ZBTB7C: variants seen among roughly 807,000 people sequenced by gnomAD.
ZBTB7C encodes the protein zinc finger and BTB domain containing 7C.
A neutral mutation model predicts 25.7 loss-of-function variants in ZBTB7C; 8 were observed. The ratio of observed to expected loss-of-function variants is 0.31; its 90% CI spans 0.18 to 0.56. ZBTB7C has a LOEUF of 0.56. Among genes scored for constraint, ZBTB7C ranks in the 20% least tolerant of loss-of-function variants. The probability of loss-of-function intolerance (pLI) is 0.91; values close to 1 mark genes in which losing one functional copy is unlikely to be tolerated. For missense variants in ZBTB7C, 824 were observed against 855.2 expected, an observed-to-expected ratio of 0.96 and a Z score of 0.46; for synonymous variants, 394 against 369.0, an observed-to-expected ratio of 1.07 and a Z score of -0.78.
At position 48,342,407 on chromosome 18, in the gene ZBTB7C, A is replaced by G. The variant is rs553988918; in HGVS notation, c.-303-4009T>C. Among the ~76,000 whole-genome samples the G allele has an allele frequency of 2.8e-4, 42 of 152,304 alleles. No homozygotes were observed. The South Asian group carries it at 8.7e-3, about 32-fold the overall frequency. The stretch of plus-strand genomic sequence containing the variant: ...ACAGGAGACCCAGCCAGGATTTTCA[A>G]GGCTGCCAGGAGGGACAGGGCTGGG... On this transcript the variant is annotated intron_variant, in intron 1 of 4. Transcript: ENST00000590800.
At chr18:48,058,736 C>T (rs568739254) in intron 3 of ZBTB7C, among the ~76,000 whole-genome samples, 29 of 152,304 alleles carry the variant, frequency 1.9e-4, no homozygotes, top group African/African-American at 6.3e-4. Context: ...TACAGGAAGG[C>T]GATGGTGTGT....
upstream of ZBTB7C, chr18:48,409,572 G>T (rs1268413100): frequency 2.0e-5 from 3 of 149,804 alleles, no homozygotes; most frequent in African/African-American, 7.3e-5. Flanking sequence ...TGTCGCTCGC[G>T]CCCGCCCCCT....
chr18:48,084,815 G>A (rs1054048277), intron 3 of ZBTB7C, among the ~76,000 whole-genome samples: 2 of 152,176 alleles, frequency 1.3e-5, no homozygotes, highest in African/African-American at 4.8e-5. Context: ...CAGAAATGGT[G>A]GCTGCTTGTA....
In ZBTB7C at chr18:48,366,573, G is replaced by T. The variant is rs982640080; in HGVS notation, c.-303-28175C>A. Among the ~76,000 whole-genome samples, 5 of 152,180 alleles carry T rather than the reference G, an allele frequency of 3.3e-5. No homozygotes were observed. The East Asian group carries it at 9.6e-4, about 29-fold the overall frequency. On this transcript the variant is annotated intron_variant, in intron 1 of 4. Coordinates refer to ENST00000590800, the MANE Select transcript of ZBTB7C (RefSeq NM_001318841.2). ...AATTTCCTTGCTACGTAATTATTGT[G>T]CATTTACAAACACGTACAAGTCCAT... is the stretch of plus-strand genomic sequence containing the variant.
At chr18:48,395,138 C>T (rs1341563316) in intron 1 of ZBTB7C, among the ~76,000 whole-genome samples, 1 of 152,046 alleles carries the variant, frequency 6.6e-6, no homozygotes, top group Non-Finnish European at 1.5e-5. Context: ...GCTATATTTT[C>T]CTCCTGCTCA....
chr18:48,274,784 T>C (rs1410640909), intron 2 of ZBTB7C, among the ~76,000 whole-genome samples: 1 of 152,232 alleles, frequency 6.6e-6, no homozygotes, highest in Non-Finnish European at 1.5e-5. Flanking sequence ...CATTGAATCT[T>C]TGGCAAGAAG....
intron 2 of ZBTB7C, among the ~76,000 whole-genome samples, chr18:48,323,051 G>T (rs1216083159): frequency 2.6e-5 from 4 of 152,222 alleles, no homozygotes; most frequent in Non-Finnish European, 5.9e-5. Context: ...TCAGGGGAAA[G>T]GGTGGGAGGG....
chr18:48,171,609 A>C (rs1396681580), intron 3 of ZBTB7C, among the ~76,000 whole-genome samples: 1 of 152,236 alleles, frequency 6.6e-6, no homozygotes, highest in African/African-American at 2.4e-5. Context: ...AGCACAACCC[A>C]GACAGAGGGC....
intron 2 of ZBTB7C, among the ~76,000 whole-genome samples, chr18:48,200,576 A>G (rs1326344970): frequency 6.6e-6 from 1 of 152,204 alleles, no homozygotes; most frequent in Non-Finnish European, 1.5e-5. Context: ...CTCATAAATA[A>G]TATGAAAATC....
intron 3 of ZBTB7C, among the ~76,000 whole-genome samples, chr18:48,068,575 G>T (rs140445486): frequency 6.6e-6 from 1 of 152,206 alleles, no homozygotes; most frequent in East Asian, 1.9e-4. Flanking sequence ...TGGAAATGGA[G>T]CCTGGGCATC....
intron 3 of ZBTB7C, among the ~76,000 whole-genome samples, chr18:48,054,876 C>G (rs1032826935): frequency 1.3e-5 from 2 of 152,134 alleles, no homozygotes; most frequent in Non-Finnish European, 2.9e-5. Flanking sequence ...CTGTTTGGTT[C>G]CCTTTCCAAA....
intron 3 of ZBTB7C, among the ~76,000 whole-genome samples, chr18:48,081,807 T>C (rs2037996881): frequency 6.6e-6 from 1 of 152,186 alleles, no homozygotes; most frequent in African/African-American, 2.4e-5. Context: ...ACTTGAAATG[T>C]AGCTGCTCAA....
At chr18:48,141,678 G>A (rs1310216510) in intron 3 of ZBTB7C, among the ~76,000 whole-genome samples, 1 of 152,188 alleles carries the variant, frequency 6.6e-6, no homozygotes, top group African/African-American at 2.4e-5. Flanking sequence ...ATTTCACACC[G>A]CATTTAACAC....
At chr18:48,400,403 A>C (rs546761072) in intron 1 of ZBTB7C, among the ~76,000 whole-genome samples, 1 of 152,340 alleles carries the variant, frequency 6.6e-6, no homozygotes, top group South Asian at 2.1e-4. Context: ...ACAAATGGGG[A>C]AACAGGCCCA....
At chr18:48,211,952 C>T (rs77394922) in intron 2 of ZBTB7C, among the ~76,000 whole-genome samples, 2,701 of 152,164 alleles carry the variant, frequency 0.018, 97 homozygotes, top group African/African-American at 0.062. Flanking sequence ...TGTCCTTCAG[C>T]GGGTGAATGG....
At position 48,246,344 on chromosome 18, in the gene ZBTB7C, G is replaced by A. The variant is rs536837268; in HGVS notation, c.-78-60349C>T. Among the ~76,000 whole-genome samples, 4 of 151,906 alleles carry A rather than the reference G, an allele frequency of 2.6e-5. No homozygotes were observed. In the East Asian group the frequency reaches 7.8e-4, roughly 29 times the overall value. ...ACTTGGGAGGCTAAGGCAGGAGAATGGCGTGGACCCGGGAGGCGGAGCTTG... is the reference window on the plus strand; with the variant it reads ...ACTTGGGAGGCTAAGGCAGGAGAATAGCGTGGACCCGGGAGGCGGAGCTTG... On this transcript the variant is annotated intron_variant, in intron 2 of 4. Coordinates refer to ENST00000590800, the MANE Select transcript of ZBTB7C (RefSeq NM_001318841.2).
chr18:48,193,226 G>A (rs906892730), intron 2 of ZBTB7C, among the ~76,000 whole-genome samples: 3 of 152,146 alleles, frequency 2.0e-5, no homozygotes, highest in Non-Finnish European at 2.9e-5. Context: ...GGGCACCTCC[G>A]GCTATTAGGC....
At chr18:48,043,923 G>C (rs986261859) in intron 3 of ZBTB7C, among the ~76,000 whole-genome samples, 6 of 152,152 alleles carry the variant, frequency 3.9e-5, no homozygotes, top group Non-Finnish European at 7.4e-5. Context: ...GGAGAGGAGG[G>C]GGGCGCTTTA....
In ZBTB7C at chr18:48,368,985, A is replaced by G. The variant is rs150278482; in HGVS notation, c.-303-30587T>C. On this transcript the variant is annotated intron_variant, in intron 1 of 4. Transcript: ENST00000590800. ...AGAAAGATAAAAGAGGTACCTTAGG[A>G]CAAGAGGAGGGAAGAAACACAGTAA... Among the ~76,000 whole-genome samples, 388 of 152,340 alleles carry G rather than the reference A, an allele frequency of 2.5e-3. 2 individuals carry two copies. Among genetic ancestry groups the G allele is most frequent in the African/African-American group, 8.7e-3 (360 of 41,586 alleles).
Sources: allele counts gnomAD v4.1 joint callset (sites outside exome capture counted in the v4.1 genomes callset), GRCh38; gene constraint gnomAD v4.1.1; transcripts MANE v1.5; gene names NCBI Gene and HGNC (gene_info 2026-07-23, HGNC 2026-07-21).